LRRC37A2: variants seen among roughly 807,000 people sequenced by gnomAD.
LRRC37A2 encodes the protein leucine-rich repeat-containing protein 37A2.
Under a neutral mutation model 68.8 loss-of-function variants are expected in LRRC37A2, and 9 were observed. That is an observed-to-expected ratio of 0.13 (90% CI 0.08 to 0.23). The LOEUF (loss-of-function observed/expected upper bound fraction) is 0.23, where lower values mean the gene tolerates loss of function less well. LRRC37A2 is among the 10% of genes least tolerant of loss of function. The probability of loss-of-function intolerance (pLI) is 1.00; values close to 1 mark genes in which losing one functional copy is unlikely to be tolerated. For missense variants in LRRC37A2, 168 were observed against 950.4 expected (o/e 0.18, Z 10.82); for synonymous variants, 63 against 367.6 (o/e 0.17, Z 9.48).
the LRRC37A2 span, among the ~76,000 whole-genome samples, chr17:46,882,754 C>T: frequency 6.6e-6 from 1 of 152,168 alleles, no homozygotes; most frequent in African/African-American, 2.4e-5. Flanking sequence ...GCCTATGGTG[C>T]ACGAGGCACG....
At chr17:46,802,839 A>G in the LRRC37A2 span, among the ~76,000 whole-genome samples, 7 of 152,112 alleles carry the variant, frequency 4.6e-5, no homozygotes, top group African/African-American at 1.4e-4. Context: ...CTTCATCTGT[A>G]TCCTTGTAAT....
the LRRC37A2 span, chr17:46,769,659 C>T: frequency 1.5e-6 from 2 of 1,358,746 alleles, no homozygotes; most frequent in Non-Finnish European, 2.0e-6. Flanking sequence ...CAAGCCTGGC[C>T]AAGGGGAAAA....
the LRRC37A2 span, among the ~76,000 whole-genome samples, chr17:46,982,315 T>C: frequency 6.6e-6 from 1 of 152,206 alleles, no homozygotes; most frequent in African/African-American, 2.4e-5. Flanking sequence ...GTCCGTACCT[T>C]GATTGCATCC....
chr17:46,552,818 G>A (rs1171049870), intron 11 of LRRC37A2: 2 of 138,540 alleles, frequency 1.4e-5, no homozygotes, highest in East Asian at 2.2e-4. Flanking sequence ...GCCAGGCATG[G>A]TGGCTCACAC....
At chr17:46,718,266 G>A in the LRRC37A2 span, among the ~76,000 whole-genome samples, 1 of 152,092 alleles carries the variant, frequency 6.6e-6, no homozygotes, top group African/African-American at 2.4e-5. Context: ...GCCACAGACT[G>A]GCCCTCGAGG....
chr17:46,877,204 T>C, the LRRC37A2 span: 6 of 447,888 alleles, frequency 1.3e-5, no homozygotes, highest in Non-Finnish European at 1.8e-5. Flanking sequence ...GTGGCCCTGC[T>C]CAGGTGCAGT....
the LRRC37A2 span, among the ~76,000 whole-genome samples, chr17:46,822,562 G>T: frequency 6.6e-6 from 1 of 152,212 alleles, no homozygotes; most frequent in Non-Finnish European, 1.5e-5. Flanking sequence ...AAGGGGTCGC[G>T]CCTGGTCCCA....
chr17:46,896,450 G>GAAAGAAAGAAAAAGAA, the LRRC37A2 span, among the ~76,000 whole-genome samples: 1 of 54,804 alleles, frequency 1.8e-5, no homozygotes, highest in East Asian at 1.5e-3. Context: ...AAGAAAGAAA[G>GAAAGAAAGAAAAAGAA]AAAAAGAAAG....
chr17:47,000,043 TA>T, the LRRC37A2 span, among the ~76,000 whole-genome samples: 39 of 25,678 alleles, frequency 1.5e-3, 2 homozygotes, highest in South Asian at 9.0e-3. Context: ...TAAAATAAAA[TA>T]AAATAAAATA....
At chr17:47,021,297 C>A in the LRRC37A2 span, among the ~76,000 whole-genome samples, 1 of 139,340 alleles carries the variant, frequency 7.2e-6, no homozygotes, top group African/African-American at 2.7e-5. Context: ...AAAGGAAAAG[C>A]TTAATTCAGG....
chr17:46,804,773 A>C, the LRRC37A2 span, among the ~76,000 whole-genome samples: 7 of 152,200 alleles, frequency 4.6e-5, no homozygotes, highest in Non-Finnish European at 7.3e-5. Flanking sequence ...AAAATGCACC[A>C]ATCAGTGCTC....
chr17:46,999,816 T>G, the LRRC37A2 span, among the ~76,000 whole-genome samples: 1 of 151,014 alleles, frequency 6.6e-6, no homozygotes, highest in Non-Finnish European at 1.5e-5. Context: ...CTGGCCAACA[T>G]AGTGGAACCC....
the LRRC37A2 span, among the ~76,000 whole-genome samples, chr17:46,817,354 A>G: frequency 2.6e-5 from 4 of 151,996 alleles, no homozygotes; most frequent in Non-Finnish European, 5.9e-5. Flanking sequence ...ACAGATCCCA[A>G]ATTCTTCCTC....
chr17:46,726,649 G>A, the LRRC37A2 span: 2 of 1,564,228 alleles, frequency 1.3e-6, no homozygotes, highest in Non-Finnish European at 1.8e-6. Context: ...TATTATCTTT[G>A]CCACATTACA....
chr17:46,941,446 A>G, the LRRC37A2 span: 5 of 984,086 alleles, frequency 5.1e-6, no homozygotes, highest in Non-Finnish European at 6.0e-6. Flanking sequence ...GAGATTCTCA[A>G]ACACTGCTCC....
the LRRC37A2 span, among the ~76,000 whole-genome samples, chr17:46,460,852 A>G: frequency 2.1e-5 from 2 of 93,236 alleles, 1 homozygote; most frequent in Non-Finnish European, 4.7e-5. Flanking sequence ...TTAAAGTTCC[A>G]GAAAGGCAAG....
At chr17:46,814,876 C>A in the LRRC37A2 span, among the ~76,000 whole-genome samples, 1 of 152,182 alleles carries the variant, frequency 6.6e-6, no homozygotes, top group Non-Finnish European at 1.5e-5. Flanking sequence ...AGGTCTTAGG[C>A]AGGTGCTCGA....
chr17:46,764,353 T>A, the LRRC37A2 span: 1 of 152,620 alleles, frequency 6.6e-6, no homozygotes, highest in African/African-American at 2.4e-5. Flanking sequence ...AAGCCTCAGG[T>A]CTGTTCCTAT....
chr17:46,815,156 A>G, the LRRC37A2 span, among the ~76,000 whole-genome samples: 1 of 152,050 alleles, frequency 6.6e-6, no homozygotes, highest in Non-Finnish European at 1.5e-5. Context: ...CTAATAACAT[A>G]GGTTCATCCC....
Sources: allele counts gnomAD v4.1 joint callset (sites outside exome capture counted in the v4.1 genomes callset), GRCh38; gene constraint gnomAD v4.1.1; transcripts MANE v1.5; gene names NCBI Gene and HGNC (gene_info 2026-07-23, HGNC 2026-07-21).